Variants in GPR63 observed in about 807,000 individuals in gnomAD.
The protein encoded by GPR63 is probable G protein-coupled receptor 63.
Under a neutral mutation model 23.1 loss-of-function variants are expected in GPR63, and 12 were observed. The ratio of observed to expected loss-of-function variants is 0.52; its 90% CI spans 0.33 to 0.84. The LOEUF is 0.84. Among genes scored for constraint, GPR63 ranks in the 40% least tolerant of loss-of-function variants. The pLI is 0.02. For missense variants in GPR63, 472 were observed against 515.6 expected, an observed-to-expected ratio of 0.92 and a Z score of 0.82; for synonymous variants, 172 against 191.1, an observed-to-expected ratio of 0.90 and a Z score of 0.82.
chr6:96,798,997 C>A lies in GPR63; in HGVS notation c.735G>T (p.Leu245Phe). The stretch of plus-strand genomic sequence containing the variant: ...GTATGAAGAAAGAAATGAGAGAAAT[C>A]AAAATCACATAAGCCTGGTAGCCTG... ...TNPGYQAYVI[L>F]ISLISFFIPF... Residue 245 changes from leucine (L) to phenylalanine (F), a missense_variant, in exon 2 of 2, where the codon TTG becomes TTT. Transcript: ENST00000229955. The A allele has an allele frequency of 6.2e-7, 1 of 1,614,106 alleles. No individual in the cohort carries two copies. Among genetic ancestry groups the A allele is most frequent in the Non-Finnish European group, 8.5e-7 (1 of 1,180,016 alleles).
In GPR63 at chr6:96,799,335, G is replaced by A; in HGVS notation, c.397C>T (p.Leu133=). ...GTTACCAGGGCAAAGGGCATGTTCA[G>A]CACTGCAAGCAACATGTCTGCAAAA... The part of the protein sequence containing the change: ...LAFADMLLAV[L]NMPFALVTIL... The change falls in exon 2 of 2, where the codon CTG becomes TTG. Residue 133 remains leucine, a synonymous_variant. Transcript: ENST00000229955. The A allele has an allele frequency of 1.2e-6, 2 of 1,614,138 alleles. No individual in the cohort carries two copies. Among genetic ancestry groups the A allele is most frequent in the Middle Eastern group, 1.6e-4 (1 of 6,062 alleles).
chr6:96,816,318 T>A (rs1435466164), intron 1 of GPR63, among the ~76,000 whole-genome samples: 3 of 152,196 alleles, frequency 2.0e-5, no homozygotes, highest in Non-Finnish European at 4.4e-5. Context: ...AGCAAGTTGA[T>A]ACTCCACCAA....
chr6:96,830,623 A>G (rs1774556435), intron 1 of GPR63, among the ~76,000 whole-genome samples: 1 of 152,194 alleles, frequency 6.6e-6, no homozygotes. Flanking sequence ...TGTCCCAGAA[A>G]GCATATTTGG....
At position 96,814,355 on chromosome 6, in the gene GPR63, A is replaced by C. The variant is rs573776726; in HGVS notation, c.-150-14474T>G. Among the ~76,000 whole-genome samples, 3 of 152,122 alleles carry C rather than the reference A, an allele frequency of 2.0e-5. No individual in the cohort carries two copies. In the South Asian group the frequency reaches 6.2e-4, roughly 32 times the overall value. On this transcript the variant is annotated intron_variant, in intron 1 of 1. Coordinates refer to ENST00000229955, the MANE Select transcript of GPR63 (RefSeq NM_030784.4). Reference sequence around the variant, plus strand: ...GGCAGAAAAAAAGCCTTATCCCAGAAAAAGAAAAAAAATTTCAGATGTGCA... The same window carrying C: ...GGCAGAAAAAAAGCCTTATCCCAGACAAAGAAAAAAAATTTCAGATGTGCA...
chr6:96,816,088 T>A (rs1260201300), intron 1 of GPR63, among the ~76,000 whole-genome samples: 1 of 152,212 alleles, frequency 6.6e-6, no homozygotes, highest in African/African-American at 2.4e-5. Flanking sequence ...AATGCATGGA[T>A]TCTTATTTGT....
At chr6:96,800,976 C>G (rs1198589804) in intron 1 of GPR63, among the ~76,000 whole-genome samples, 1 of 152,272 alleles carries the variant, frequency 6.6e-6, no homozygotes, top group East Asian at 1.9e-4. Flanking sequence ...TCTGTAACTC[C>G]AGAGTTTTCT....
chr6:96,803,711 T>C (rs1469814260), intron 1 of GPR63, among the ~76,000 whole-genome samples: 2 of 152,194 alleles, frequency 1.3e-5, no homozygotes, highest in Non-Finnish European at 2.9e-5. Flanking sequence ...TCAAATATCA[T>C]TGTCACCTGA....
At position 96,798,732 on chromosome 6, in the gene GPR63, T is replaced by C; in HGVS notation, c.1000A>G (p.Ser334Gly). The C allele has an allele frequency of 6.2e-7, 1 of 1,614,154 alleles. No individual in the cohort carries two copies. The highest frequency in any genetic ancestry group is 2.2e-5 in the East Asian group (1 of 44,882). ...IVCWAPFTTY[S>G]LVATFSKHFY... ...TGCTTACTGAATGTTGCCACAAGGCTGTAAGTGGTGAATGGGGCCCAGCAG... is the reference window on the plus strand; with the variant it reads ...TGCTTACTGAATGTTGCCACAAGGCCGTAAGTGGTGAATGGGGCCCAGCAG... The change falls in exon 2 of 2, where the codon AGC becomes GGC. Residue 334 changes from serine to glycine, a missense_variant. Physicochemically the swap from Ser to Gly is moderately conservative, Grantham distance 56. Transcript: ENST00000229955.
intron 1 of GPR63, among the ~76,000 whole-genome samples, chr6:96,829,398 T>C (rs911479634): frequency 7.2e-5 from 11 of 152,082 alleles, no homozygotes; most frequent in Non-Finnish European, 1.3e-4. Flanking sequence ...AAACAAATCA[T>C]AGAAAATACT....
intron 1 of GPR63, among the ~76,000 whole-genome samples, chr6:96,815,172 C>T (rs779772245): frequency 1.6e-4 from 25 of 152,110 alleles, no homozygotes; most frequent in Non-Finnish European, 2.5e-4. Context: ...CTTCCAGGAG[C>T]GAGATAATTT....
chr6:96,824,271 A>G (rs901274319), intron 1 of GPR63, among the ~76,000 whole-genome samples: 7 of 152,118 alleles, frequency 4.6e-5, no homozygotes, highest in Non-Finnish European at 7.4e-5. Context: ...TGGTCCTGAA[A>G]AAAAGTCTTC....
intron 1 of GPR63, among the ~76,000 whole-genome samples, chr6:96,800,409 T>A (rs1343063215): frequency 6.6e-6 from 1 of 152,174 alleles, no homozygotes; most frequent in African/African-American, 2.4e-5. Flanking sequence ...AGTTCTAACA[T>A]CCTTATAAGT....
In GPR63 at chr6:96,798,932, T is replaced by C; in HGVS notation, c.800A>G (p.Asn267Ser). 6.2e-7 allele frequency: 1 copy of C among 1,614,142 alleles called. No homozygotes were observed. Among genetic ancestry groups the C allele is most frequent in the Non-Finnish European group, 8.5e-7 (1 of 1,180,020 alleles). Reference sequence around the variant, plus strand: ...CCTCAAGGCATTGTGCCGAAGGGTGTTGAGTATGCCCATAAATGAGTACAG... The same window carrying C: ...CCTCAAGGCATTGTGCCGAAGGGTGCTGAGTATGCCCATAAATGAGTACAG... Reference protein sequence around the residue: ...VILYSFMGILNTLRHNALRIH... With the variant: ...VILYSFMGILSTLRHNALRIH... Residue 267 changes from asparagine to serine, a missense_variant, in exon 2 of 2, where the codon AAC becomes AGC. Transcript: ENST00000229955.
intron 1 of GPR63, among the ~76,000 whole-genome samples, chr6:96,823,694 A>T (rs1774366399): frequency 6.6e-6 from 1 of 152,096 alleles, no homozygotes; most frequent in Admixed American, 6.6e-5. Context: ...TCACTCATTG[A>T]CAGAGTAATC....
chr6:96,818,004 A>G (rs1774206432), intron 1 of GPR63, among the ~76,000 whole-genome samples: 1 of 151,800 alleles, frequency 6.6e-6, no homozygotes, highest in South Asian at 2.1e-4. Flanking sequence ...CTCAGGATCC[A>G]TACTTAAGAA....
Position 96,799,484 on chromosome 6 carries a change from G to A in GPR63, c.248C>T (p.Thr83Ile). 3.1e-6 allele frequency: 5 copies of A among 1,614,128 alleles called. No homozygotes were observed. The highest frequency in any genetic ancestry group is 4.2e-6 in the Non-Finnish European group (5 of 1,180,026). The part of the protein sequence containing the change: ...FKSLNLPLQI[T>I]LSAIMIFILF... ...AATGAATATCATTATAGCAGAAAGG[G>A]TGATCTGAAGAGGCAAGTTTAGGCT... Residue 83 changes from threonine to isoleucine, a missense_variant, in exon 2 of 2, where the codon ACC becomes ATC. Transcript: ENST00000229955.
intron 1 of GPR63, among the ~76,000 whole-genome samples, chr6:96,832,017 T>A (rs148178488): frequency 9.2e-5 from 14 of 151,986 alleles, no homozygotes; most frequent in African/African-American, 3.1e-4. Context: ...CTATGATACA[T>A]CCATAGAATA....
chr6:96,811,233 T>C (rs1369184562), intron 1 of GPR63, among the ~76,000 whole-genome samples: 4 of 152,174 alleles, frequency 2.6e-5, no homozygotes, highest in African/African-American at 4.8e-5. Flanking sequence ...GGCACCACTA[T>C]GAAAAAATTG....
chr6:96,800,108 G>T (rs1235300357), intron 1 of GPR63, among the ~76,000 whole-genome samples: 1 of 152,032 alleles, frequency 6.6e-6, no homozygotes, highest in Non-Finnish European at 1.5e-5. Flanking sequence ...AAAAGTGCGA[G>T]GAATCTCAAA....
Sources: allele counts gnomAD v4.1 joint callset (sites outside exome capture counted in the v4.1 genomes callset), GRCh38; gene constraint gnomAD v4.1.1; transcripts MANE v1.5; gene names NCBI Gene and HGNC (gene_info 2026-07-23, HGNC 2026-07-21).